ITSN2: variants seen among roughly 807,000 people sequenced by gnomAD.
ITSN2 encodes the protein intersectin 2.
In ITSN2, 156 loss-of-function variants were observed where a neutral mutation model predicts 243.7. The ratio of observed to expected loss-of-function variants is 0.64; its 90% CI spans 0.56 to 0.73. The LOEUF (loss-of-function observed/expected upper bound fraction) is 0.73, where lower values mean the gene tolerates loss of function less well. ITSN2 is among the 30% of genes least tolerant of loss of function. The pLI, the probability that ITSN2 is intolerant of heterozygous loss-of-function variation, is 0.00. For synonymous variants in ITSN2, 703 were observed against 699.9 expected (o/e 1.00, Z -0.07); for missense variants, 1,801 against 1,996.1 (o/e 0.90, Z 1.86).
rs1021518629 is a variant in ITSN2 at position 24,302,477 on chromosome 2, C to G, written c.858-375G>C. Among the ~76,000 whole-genome samples the G allele has an allele frequency of 2.6e-5, 4 of 152,216 alleles. No homozygotes were observed. The East Asian group carries it at 7.7e-4, about 29-fold the overall frequency. On this transcript the variant is annotated intron_variant, in intron 9 of 39. Coordinates refer to ENST00000355123, the MANE Select transcript of ITSN2 (RefSeq NM_006277.3). ...CCTCCCAAAGTGCTGAGATTACAGG[C>G]GTGAGCCACCTGGGCCCGGCCAATT...
intron 8 of ITSN2, among the ~76,000 whole-genome samples, chr2:24,308,097 C>G (rs1682784131): frequency 6.6e-6 from 1 of 152,212 alleles, no homozygotes. Context: ...TTGCTGTTCT[C>G]AATTAGTACA....
intron 2 of ITSN2, among the ~76,000 whole-genome samples, chr2:24,324,180 A>T (rs759211045): frequency 2.6e-4 from 39 of 152,160 alleles, no homozygotes; most frequent in Non-Finnish European, 4.6e-4. Context: ...TGCAGTGAGC[A>T]GAGATCATGC....
At chr2:24,320,690 G>A (rs1175297484) in intron 2 of ITSN2, among the ~76,000 whole-genome samples, 1 of 146,218 alleles carries the variant, frequency 6.8e-6, no homozygotes, top group Admixed American at 6.9e-5. Flanking sequence ...CTGGGTTACA[G>A]AACAAGACCC....
At chr2:24,206,127 T>G in intron 37 of ITSN2, 1 of 306,384 alleles carries the variant, frequency 3.3e-6, no homozygotes, top group Non-Finnish European at 6.7e-6. Flanking sequence ...ATTGACATCT[T>G]TGGCCAATTA....
intron 29 of ITSN2, among the ~76,000 whole-genome samples, chr2:24,224,605 C>T (rs999329997): frequency 6.2e-4 from 94 of 151,898 alleles, no homozygotes; most frequent in African/African-American, 2.2e-3. Context: ...CCTAGCTGAC[C>T]CTTTTGCATT....
At position 24,275,742 on chromosome 2, in the gene ITSN2, CT is replaced by C; in HGVS notation, c.2051del (p.Gln684ArgfsTer5). On this transcript the variant is annotated frameshift_variant, in exon 18 of 40. Transcript: ENST00000355123. LOFTEE classifies it high-confidence loss of function. ...CAGCCTCATCTTCTAGTTTCTTTTTCTGCATTAGTTCTAATCTTTTCCTTTC... is the reference window on the plus strand; with the variant it reads ...CAGCCTCATCTTCTAGTTTCTTTTTCGCATTAGTTCTAATCTTTTCCTTTC... ...EIERKRLELM[Q>X]KKKLEDEAAR... The C allele has an allele frequency of 6.2e-7, 1 of 1,611,008 alleles. No homozygotes were observed. Among genetic ancestry groups the C allele is most frequent in the Non-Finnish European group, 8.5e-7 (1 of 1,177,984 alleles).
chr2:24,271,999 A>G (rs1677419551), intron 18 of ITSN2, 58 bp from the exon 19 acceptor site: 2 of 1,299,496 alleles, frequency 1.5e-6, no homozygotes, highest in Non-Finnish European at 2.1e-6. Flanking sequence ...ACACTAAATA[A>G]AAACATACTA....
intron 2 of ITSN2, among the ~76,000 whole-genome samples, chr2:24,324,981 T>G (rs1247736290): frequency 6.6e-6 from 1 of 151,962 alleles, no homozygotes; most frequent in Non-Finnish European, 1.5e-5. Flanking sequence ...TCATGATTAA[T>G]GTAACCAAGA....
At chr2:24,274,938 T>C (rs952339346) in intron 18 of ITSN2, among the ~76,000 whole-genome samples, 5 of 152,196 alleles carry the variant, frequency 3.3e-5, no homozygotes, top group African/African-American at 4.8e-5. Flanking sequence ...AGAATCTCAA[T>C]GGCAGAAAAA....
At chr2:24,265,663 A>G (rs550258982) in intron 20 of ITSN2, among the ~76,000 whole-genome samples, 2 of 152,334 alleles carry the variant, frequency 1.3e-5, no homozygotes, top group East Asian at 3.9e-4. Context: ...TTAAAAGTTC[A>G]AACTTCTTAG....
At chr2:24,266,343 T>C (rs1009664738) in intron 20 of ITSN2, among the ~76,000 whole-genome samples, 5 of 152,220 alleles carry the variant, frequency 3.3e-5, no homozygotes, top group African/African-American at 1.2e-4. Context: ...CTTGAATGGA[T>C]TATTCTAAAT....
At chr2:24,336,037 C>T (rs1184579363) in intron 1 of ITSN2, among the ~76,000 whole-genome samples, 2 of 151,464 alleles carry the variant, frequency 1.3e-5, no homozygotes, top group African/African-American at 2.4e-5. Context: ...GTCAGGAGAT[C>T]GAGACCATCC....
rs1445482951 is a variant in ITSN2 at position 24,203,997 on chromosome 2, A to AGAAT, written c.4937-218_4937-215dup. 8.4e-5 allele frequency: 53 copies of AGAAT among 634,418 alleles called. 1 individual carries two copies. The highest frequency in any genetic ancestry group is 2.8e-4 in the South Asian group (14 of 50,014). 39.3% of individuals were successfully genotyped at this position (634,418 alleles called of 1,614,324 possible). A position where few individuals can be genotyped will look rare whatever the true frequency, so the allele number is the denominator to read the frequency against. ...ACATGGAATTCAAATCTCCATTCTG[A>AGAAT]GAATGCTCCAGGAGTGGTGTTCACG... On this transcript the variant is annotated intron_variant, in intron 39 of 39. Coordinates refer to ENST00000355123, the MANE Select transcript of ITSN2 (RefSeq NM_006277.3).
chr2:24,302,488 T>A (rs1184364551), intron 9 of ITSN2, among the ~76,000 whole-genome samples: 3 of 152,144 alleles, frequency 2.0e-5, no homozygotes, highest in East Asian at 3.8e-4. Flanking sequence ...GTGAGCCACC[T>A]GGGCCCGGCC....
intron 17 of ITSN2, among the ~76,000 whole-genome samples, chr2:24,284,354 A>G (rs189837411): frequency 6.6e-6 from 1 of 152,308 alleles, no homozygotes; most frequent in Non-Finnish European, 1.5e-5. Flanking sequence ...ATATGACATA[A>G]ACTTGCCCTA....
At chr2:24,256,910 T>C (rs1324388833) in intron 23 of ITSN2, among the ~76,000 whole-genome samples, 1 of 152,194 alleles carries the variant, frequency 6.6e-6, no homozygotes, top group Non-Finnish European at 1.5e-5. Flanking sequence ...AATGCCCCAA[T>C]TTGGCAAAGA....
intron 30 of ITSN2, chr2:24,220,573 T>G: frequency 9.3e-7 from 1 of 1,075,224 alleles, no homozygotes; most frequent in Non-Finnish European, 1.1e-6. Context: ...TTAAAACAGA[T>G]ATTAGGCAAA....
intron 29 of ITSN2, among the ~76,000 whole-genome samples, chr2:24,223,113 G>A (rs1044656797): frequency 3.3e-5 from 5 of 152,200 alleles, no homozygotes; most frequent in Non-Finnish European, 4.4e-5. Context: ...GGAAAGAGAC[G>A]AATGAAGTAG....
intron 20 of ITSN2, among the ~76,000 whole-genome samples, chr2:24,264,397 A>G (rs536663818): frequency 1.7e-3 from 195 of 117,182 alleles, no homozygotes; most frequent in Middle Eastern, 0.012. Context: ...TCAAAAAAAA[A>G]AAAGAAAGAA....
Sources: allele counts gnomAD v4.1 joint callset (sites outside exome capture counted in the v4.1 genomes callset), GRCh38; gene constraint gnomAD v4.1.1; transcripts MANE v1.5; gene names NCBI Gene and HGNC (gene_info 2026-07-23, HGNC 2026-07-21).